Variants in PHF20 observed in about 807,000 individuals in gnomAD.
The protein encoded by PHF20 is PHD finger protein 20.
Under a neutral mutation model 113.5 loss-of-function variants are expected in PHF20, and 23 were observed. The ratio of observed to expected loss-of-function variants is 0.20; its 90% CI spans 0.15 to 0.29. The LOEUF is 0.29. Ranked by LOEUF, PHF20 falls within the 10% of genes least tolerant of loss-of-function variation. The probability of loss-of-function intolerance (pLI) is 1.00; values close to 1 mark genes in which losing one functional copy is unlikely to be tolerated. For synonymous variants in PHF20, 434 were observed against 457.3 expected (o/e 0.95, Z 0.65); for missense variants, 943 against 1,219.6 (o/e 0.77, Z 3.38).
At chr20:35,947,197 T>C (rs903018948) in intron 17 of PHF20, among the ~76,000 whole-genome samples, 1 of 152,228 alleles carries the variant, frequency 6.6e-6, no homozygotes, top group African/African-American at 2.4e-5. Context: ...GGCTAGTGGC[T>C]ACTGTATTGG....
chr20:35,773,171 A>G (rs535301905), intron 1 of PHF20, among the ~76,000 whole-genome samples: 1 of 152,210 alleles, frequency 6.6e-6, no homozygotes, highest in Admixed American at 6.5e-5. Flanking sequence ...AACCCCTTTT[A>G]GTTATACAAC....
chr20:35,805,345 G>A (rs772172044), intron 2 of PHF20, among the ~76,000 whole-genome samples: 44 of 142,704 alleles, frequency 3.1e-4, no homozygotes, highest in Admixed American at 3.6e-4. Context: ...ATGCCACCAC[G>A]CCTGATTTTT....
At chr20:35,822,875 A>C (rs1297618300) in intron 2 of PHF20, among the ~76,000 whole-genome samples, 1 of 147,840 alleles carries the variant, frequency 6.8e-6, no homozygotes, top group African/African-American at 2.5e-5. Context: ...AAAAAAAAAG[A>C]ATGTATCAAG....
intron 12 of PHF20, among the ~76,000 whole-genome samples, chr20:35,914,461 G>C (rs1195873622): frequency 6.6e-6 from 1 of 152,050 alleles, no homozygotes; most frequent in Non-Finnish European, 1.5e-5. Context: ...CAAGTTTTTT[G>C]GAGTAAGTCC....
At chr20:35,824,023 A>G (rs1175727533) in intron 2 of PHF20, among the ~76,000 whole-genome samples, 1 of 152,236 alleles carries the variant, frequency 6.6e-6, no homozygotes, top group African/African-American at 2.4e-5. Context: ...GTTAATATGA[A>G]TAAACATTTA....
At chr20:35,931,498 C>A in intron 15 of PHF20, 54 bp downstream of exon 15, 1 of 1,319,904 alleles carries the variant, frequency 7.6e-7, no homozygotes, top group Non-Finnish European at 1.0e-6. Context: ...GGTCTGGGGG[C>A]TGAGTAAATC....
chr20:35,818,287 A>C (rs1164191204), intron 2 of PHF20, among the ~76,000 whole-genome samples: 1 of 146,630 alleles, frequency 6.8e-6, no homozygotes, highest in Non-Finnish European at 1.5e-5. Flanking sequence ...AAAACAAAAC[A>C]AAACAAAACA....
At position 35,945,713 on chromosome 20, in the gene PHF20, G is replaced by A. The variant is rs1300028933; in HGVS notation, c.2897-1772G>A. ...GGGTGGTTCTTGTCAAAGGTGCAGGGTTCCCAGATGGTCTCTCCCCAAATG... is the reference window on the plus strand; with the variant it reads ...GGGTGGTTCTTGTCAAAGGTGCAGGATTCCCAGATGGTCTCTCCCCAAATG... On this transcript the variant is annotated intron_variant, in intron 17 of 17. Coordinates refer to ENST00000374012, the MANE Select transcript of PHF20 (RefSeq NM_016436.5). Among the ~76,000 whole-genome samples the A allele has an allele frequency of 2.6e-5, 4 of 152,078 alleles. No homozygotes were observed. The East Asian group carries it at 7.7e-4, about 29-fold the overall frequency.
chr20:35,780,940 G>A (rs186576499), intron 1 of PHF20, among the ~76,000 whole-genome samples: 1 of 130,574 alleles, frequency 7.7e-6, no homozygotes, highest in East Asian at 2.4e-4. Flanking sequence ...TGCAACCTCC[G>A]CCTCCCGAGT....
Position 35,917,629 on chromosome 20 carries a change from T to C in PHF20, c.1971T>C (p.Cys657=), listed in dbSNP as rs1362636328. Residue 657 remains cysteine, a synonymous_variant, in exon 13 of 18, where the codon TGT becomes TGC. Transcript: ENST00000374012. ...RYDFEVVRCI[C]EVQEENDFMI... is the part of the protein sequence containing the mutation. ...ACTTCGAGGTGGTCCGCTGCATCTGTGAGGTCCAGGAGGAAAATGACTTCA... is the reference window on the plus strand; with the variant it reads ...ACTTCGAGGTGGTCCGCTGCATCTGCGAGGTCCAGGAGGAAAATGACTTCA... 1 of 1,614,028 alleles carries C rather than the reference T, an allele frequency of 6.2e-7. No homozygotes were observed. Among genetic ancestry groups the C allele is most frequent in the Non-Finnish European group, 8.5e-7 (1 of 1,179,996 alleles).
intron 13 of PHF20, among the ~76,000 whole-genome samples, chr20:35,918,830 A>G (rs1433547822): frequency 6.6e-6 from 1 of 152,144 alleles, no homozygotes; most frequent in African/African-American, 2.4e-5. Flanking sequence ...CCTGTGTTAT[A>G]TTATAGCGTT....
intron 14 of PHF20, among the ~76,000 whole-genome samples, chr20:35,929,461 C>T (rs1047762943): frequency 2.0e-5 from 3 of 152,256 alleles, no homozygotes; most frequent in African/African-American, 7.2e-5. Flanking sequence ...CCCAAGATCA[C>T]GCCACCAGCT....
chr20:35,904,767 C>CTCCTTCCTTCCT (rs71184085), intron 10 of PHF20, among the ~76,000 whole-genome samples: 30,439 of 125,506 alleles, frequency 0.24, 4,289 homozygotes, highest in South Asian at 0.29. Flanking sequence ...GATTTCTTTT[C>CTCCTTCCTTCCT]TCCTTCCTTC....
intron 6 of PHF20, among the ~76,000 whole-genome samples, chr20:35,865,080 T>C (rs968478970): frequency 2.6e-5 from 4 of 151,944 alleles, no homozygotes; most frequent in Non-Finnish European, 5.9e-5. Context: ...TAATCCCAGC[T>C]ACTCAGGAGG....
At chr20:35,793,995 C>CAAAACAAAAAAAAAAAAAA (rs1385077985) in intron 1 of PHF20, among the ~76,000 whole-genome samples, 3 of 33,836 alleles carry the variant, frequency 8.9e-5, no homozygotes, top group Admixed American at 3.4e-4. Context: ...GACTCTGTCT[C>CAAAACAAAAAAAAAAAAAA]AAAAAAAAAA....
At chr20:35,919,038 G>A (rs981237535) in intron 13 of PHF20, among the ~76,000 whole-genome samples, 2 of 151,930 alleles carry the variant, frequency 1.3e-5, no homozygotes, top group African/African-American at 4.8e-5. Context: ...TTTTTGAGAC[G>A]GAGTTTTGCA....
intron 13 of PHF20, among the ~76,000 whole-genome samples, chr20:35,926,505 C>T (rs1434131388): frequency 1.3e-5 from 2 of 152,080 alleles, no homozygotes; most frequent in African/African-American, 4.8e-5. Flanking sequence ...TCCCAAAGTG[C>T]TGGGATTACA....
At position 35,858,340 on chromosome 20, in the gene PHF20, A is replaced by T; in HGVS notation, c.379A>T (p.Thr127Ser). 6.3e-7 allele frequency: 1 copy of T among 1,597,258 alleles called. No homozygotes were observed. The highest frequency in any genetic ancestry group is 8.6e-7 in the Non-Finnish European group (1 of 1,166,610). Residue 127 changes from threonine (T) to serine (S), a missense_variant, in exon 5 of 18, where the codon ACT becomes TCT. By Grantham distance (58) the Thr-to-Ser change is moderately conservative (BLOSUM62 1). Coordinates refer to ENST00000374012, the MANE Select transcript of PHF20 (RefSeq NM_016436.5). ...TVKFYDGVVQ[T>S]VKHIHVKAFS... ...GAAATTTTATGATGGAGTAGTTCAG[A>T]CTGTCAAACATATTCATGTCAAAGC... is the stretch of plus-strand genomic sequence containing the variant.
chr20:35,809,686 C>A lies in PHF20; in HGVS notation c.83+8081C>A, dbSNP rs971348545. Among the ~76,000 whole-genome samples the A allele has an allele frequency of 1.0e-4, 15 of 150,668 alleles. No homozygotes were observed. The South Asian group carries it at 2.9e-3, about 30-fold the overall frequency. On this transcript the variant is annotated intron_variant, in intron 2 of 17. Transcript: ENST00000374012. The stretch of plus-strand genomic sequence containing the variant: ...ATTGATTGAGTCAAGGATTTCAAGA[C>A]CAGCCTGGACAATATAATGAGACCC...
Sources: allele counts gnomAD v4.1 joint callset (sites outside exome capture counted in the v4.1 genomes callset), GRCh38; gene constraint gnomAD v4.1.1; transcripts MANE v1.5; gene names NCBI Gene and HGNC (gene_info 2026-07-23, HGNC 2026-07-21).